RBMS1: variants seen among roughly 807,000 people sequenced by gnomAD.
RBMS1 encodes RNA-binding motif, single-stranded-interacting protein 1.
A neutral mutation model predicts 62.3 loss-of-function variants in RBMS1; 17 were observed. That is an observed-to-expected ratio of 0.27 (90% CI 0.19 to 0.41). RBMS1 has a LOEUF of 0.41. Ranked by LOEUF, RBMS1 falls within the 10% of genes least tolerant of loss-of-function variation. The probability of loss-of-function intolerance (pLI) is 1.00; values close to 1 mark genes in which losing one functional copy is unlikely to be tolerated. For synonymous variants in RBMS1, 172 were observed against 170.0 expected (o/e 1.01, Z -0.09); for missense variants, 334 against 504.5 (o/e 0.66, Z 3.24).
intron 2 of RBMS1, among the ~76,000 whole-genome samples, chr2:160,362,063 T>G (rs528157721): frequency 6.6e-6 from 1 of 152,216 alleles, no homozygotes; most frequent in Non-Finnish European, 1.5e-5. Flanking sequence ...TAGCATGCAA[T>G]GCTGTTTCAT....
chr2:160,490,978 T>C (rs1372852950), intron 1 of RBMS1, among the ~76,000 whole-genome samples: 1 of 152,158 alleles, frequency 6.6e-6, no homozygotes, highest in East Asian at 1.9e-4. Flanking sequence ...AGACAGCAGA[T>C]CCTAAGAGAG....
At chr2:160,479,753 T>C (rs1406615496) in intron 1 of RBMS1, among the ~76,000 whole-genome samples, 1 of 152,214 alleles carries the variant, frequency 6.6e-6, no homozygotes, top group African/African-American at 2.4e-5. Context: ...CTAGATGATC[T>C]TAAAGTTCCT....
intron 1 of RBMS1, among the ~76,000 whole-genome samples, chr2:160,450,586 A>AAAAC (rs1683940495): frequency 6.6e-6 from 1 of 150,842 alleles, no homozygotes; most frequent in Non-Finnish European, 1.5e-5. Context: ...AAAACAAAAA[A>AAAAC]CATTAACCCA....
chr2:160,332,867 ATTTTATATATATAATG>A (rs1296712274), intron 2 of RBMS1, among the ~76,000 whole-genome samples: 4 of 149,446 alleles, frequency 2.7e-5, no homozygotes, highest in Admixed American at 6.7e-5. Flanking sequence ...TTATACATAT[ATTTTATATATATAATG>A]TTTTATATAT....
chr2:160,457,421 C>G (rs1237597592), intron 1 of RBMS1, among the ~76,000 whole-genome samples: 1 of 152,078 alleles, frequency 6.6e-6, no homozygotes, highest in Admixed American at 6.5e-5. Flanking sequence ...TGAGCCACCG[C>G]GCGGTATCCT....
intron 1 of RBMS1, among the ~76,000 whole-genome samples, chr2:160,466,794 G>A (rs1684714966): frequency 6.6e-6 from 1 of 152,144 alleles, no homozygotes; most frequent in Non-Finnish European, 1.5e-5. Flanking sequence ...GCAGTGAGGT[G>A]GAGTGAAAAC....
At chr2:160,282,182 C>T (rs762192094) in intron 9 of RBMS1, 63 of 1,250,584 alleles carry the variant, frequency 5.0e-5, no homozygotes, top group Non-Finnish European at 6.6e-5. Context: ...CATTTTATCC[C>T]CTATTGTTAA....
intron 1 of RBMS1, among the ~76,000 whole-genome samples, chr2:160,387,758 A>T (rs1694661413): frequency 6.6e-6 from 1 of 152,018 alleles, no homozygotes; most frequent in Non-Finnish European, 1.5e-5. Context: ...CCCACCCCAT[A>T]ATGTGCAAAT....
chr2:160,332,054 T>C (rs1407166530), intron 2 of RBMS1, among the ~76,000 whole-genome samples: 1 of 152,162 alleles, frequency 6.6e-6, no homozygotes, highest in Non-Finnish European at 1.5e-5. Context: ...AGATGGTGGT[T>C]GTTGGAGTTT....
At chr2:160,310,804 T>C (rs753364323) in intron 4 of RBMS1, among the ~76,000 whole-genome samples, 27 of 152,094 alleles carry the variant, frequency 1.8e-4, no homozygotes, top group South Asian at 2.1e-4. Flanking sequence ...AGGTATCACA[T>C]AGTCATAATA....
intron 2 of RBMS1, among the ~76,000 whole-genome samples, chr2:160,346,685 T>A (rs1692196298): frequency 6.6e-6 from 1 of 152,126 alleles, no homozygotes; most frequent in African/African-American, 2.4e-5. Context: ...TAAGACTGAA[T>A]CTTTCAATTG....
chr2:160,438,837 C>T (rs1302086397), intron 1 of RBMS1, among the ~76,000 whole-genome samples: 3 of 151,834 alleles, frequency 2.0e-5, no homozygotes, highest in African/African-American at 7.3e-5. Context: ...TAGGCGCGGC[C>T]GGGCAGAGGC....
chr2:160,290,875 TTTG>T (rs1688637737), intron 6 of RBMS1, among the ~76,000 whole-genome samples: 1 of 152,152 alleles, frequency 6.6e-6, no homozygotes. Flanking sequence ...CAAGCTTGAT[TTTG>T]TGGTACTGAC....
At chr2:160,300,587 T>C in intron 6 of RBMS1, 64 bp downstream of exon 6, 5 of 1,498,896 alleles carry the variant, frequency 3.3e-6, no homozygotes, top group Non-Finnish European at 4.4e-6. Context: ...AGAGTCATCA[T>C]GTGCTAAAGT....
chr2:160,385,522 T>C (rs1395221153), intron 1 of RBMS1, among the ~76,000 whole-genome samples: 1 of 152,146 alleles, frequency 6.6e-6, no homozygotes, highest in African/African-American at 2.4e-5. Context: ...CAGACTGTCA[T>C]TGTTCTGGGA....
chr2:160,407,966 A>ACCCGCGCCTCCCCGCCCG, intron 1 of RBMS1: 3 of 965,250 alleles, frequency 3.1e-6, no homozygotes, highest in Non-Finnish European at 3.7e-6. Flanking sequence ...GCCCAGGCCC[A>ACCCGCGCCTCCCCGCCCG]CCCGCGCCTC....
chr2:160,490,513 A>G (rs1451847720), intron 1 of RBMS1, among the ~76,000 whole-genome samples: 1 of 152,116 alleles, frequency 6.6e-6, no homozygotes, highest in East Asian at 1.9e-4. Context: ...CAAAGTACAA[A>G]GCATACCAAT....
At chr2:160,475,262 C>T (rs748985491) in intron 1 of RBMS1, among the ~76,000 whole-genome samples, 3 of 152,242 alleles carry the variant, frequency 2.0e-5, no homozygotes, top group African/African-American at 4.8e-5. Flanking sequence ...TCATTCGCCT[C>T]TCCACCTTTT....
intron 1 of RBMS1, among the ~76,000 whole-genome samples, chr2:160,374,029 T>C (rs1042042302): frequency 2.0e-5 from 3 of 151,976 alleles, no homozygotes; most frequent in Non-Finnish European, 4.4e-5. Flanking sequence ...TCCCAGCACT[T>C]TGGGAGGCCA....
Sources: allele counts gnomAD v4.1 joint callset (sites outside exome capture counted in the v4.1 genomes callset), GRCh38; gene constraint gnomAD v4.1.1; transcripts MANE v1.5; gene names NCBI Gene and HGNC (gene_info 2026-07-23, HGNC 2026-07-21).